Variants in PRKAG2 observed in about 807,000 individuals in gnomAD.
PRKAG2 encodes protein kinase AMP-activated non-catalytic subunit gamma 2.
A neutral mutation model predicts 69.6 loss-of-function variants in PRKAG2; 26 were observed. That is an observed-to-expected ratio of 0.37 (90% CI 0.27 to 0.52). PRKAG2 has a LOEUF of 0.52. PRKAG2 is among the 20% of genes least tolerant of loss of function. The pLI, the probability that PRKAG2 is intolerant of heterozygous loss-of-function variation, is 0.90. For synonymous variants in PRKAG2, 293 were observed against 285.0 expected (o/e 1.03, Z -0.28); for missense variants, 557 against 740.0 (o/e 0.75, Z 2.87).
chr7:151,827,758 A>ACAAAAAC (rs2078936243), intron 1 of PRKAG2, among the ~76,000 whole-genome samples: 1 of 146,910 alleles, frequency 6.8e-6, no homozygotes, highest in Admixed American at 6.8e-5. Context: ...AAAAAAAAAA[A>ACAAAAAC]AAAAAAAAAA....
At chr7:151,795,876 T>TATATACACACATATATATATATATACAC in intron 1 of PRKAG2, among the ~76,000 whole-genome samples, 1 of 112,810 alleles carries the variant, frequency 8.9e-6, no homozygotes, top group South Asian at 2.8e-4. Flanking sequence ...TATATATATA[T>TATATACACACATATATATATATATACAC]ATATATATAT....
chr7:151,812,200 A>G (rs907489612), intron 1 of PRKAG2, among the ~76,000 whole-genome samples: 4 of 152,234 alleles, frequency 2.6e-5, no homozygotes, highest in African/African-American at 9.6e-5. Flanking sequence ...GAATCTACCG[A>G]CAAGAATTGA....
chr7:151,587,358 A>G (rs745497095), intron 6 of PRKAG2, among the ~76,000 whole-genome samples: 10 of 152,182 alleles, frequency 6.6e-5, no homozygotes, highest in Admixed American at 1.3e-4. Context: ...TTGCAGAAAA[A>G]TCCCAACTAA....
chr7:151,587,191 G>GT (rs533698188), intron 6 of PRKAG2, among the ~76,000 whole-genome samples: 4 of 152,224 alleles, frequency 2.6e-5, no homozygotes, highest in Non-Finnish European at 5.9e-5. Flanking sequence ...ATACTTGCTT[G>GT]TTTTTTTGTT....
intron 3 of PRKAG2, among the ~76,000 whole-genome samples, chr7:151,694,845 C>T (rs989957354): frequency 1.3e-5 from 2 of 152,190 alleles, no homozygotes; most frequent in Non-Finnish European, 2.9e-5. Flanking sequence ...CCCCCAACAC[C>T]GAGGGCCAGA....
At chr7:151,755,996 G>A (rs931273160) in intron 3 of PRKAG2, among the ~76,000 whole-genome samples, 6 of 152,168 alleles carry the variant, frequency 3.9e-5, no homozygotes, top group African/African-American at 1.4e-4. Context: ...AGTCCTCAGT[G>A]TCTCTACCTG....
intron 3 of PRKAG2, among the ~76,000 whole-genome samples, chr7:151,763,477 C>T (rs1052701670): frequency 1.3e-5 from 2 of 152,266 alleles, no homozygotes; most frequent in African/African-American, 4.8e-5. Context: ...AAGCACCAAG[C>T]TCCTGGCACA....
chr7:151,637,258 GGAGT>G (rs759450561), intron 4 of PRKAG2, among the ~76,000 whole-genome samples: 48 of 152,270 alleles, frequency 3.2e-4, no homozygotes, highest in Non-Finnish European at 6.9e-4. Context: ...AAAAAAACTT[GGAGT>G]GAGCCAAGGT....
At chr7:151,566,189 AT>A (rs1478217326) in intron 11 of PRKAG2, among the ~76,000 whole-genome samples, 1 of 152,222 alleles carries the variant, frequency 6.6e-6, no homozygotes, top group African/African-American at 2.4e-5. Flanking sequence ...GAACAGGTCT[AT>A]TTGGGATATT....
chr7:151,702,138 G>C (rs543115263), intron 3 of PRKAG2, among the ~76,000 whole-genome samples: 1 of 152,364 alleles, frequency 6.6e-6, no homozygotes, highest in African/African-American at 2.4e-5. Context: ...CATGGATACA[G>C]AACACTTCCC....
In PRKAG2 at chr7:151,786,372, C is replaced by T. The variant is rs866059895; in HGVS notation, c.186+98G>A. ...GTGTGCAAGCGGACATGCGGGTGGG[C>T]GTGAGGGTGAACACACAGGTGGAAG... On this transcript the variant is annotated intron_variant, in intron 2 of 15. Transcript: ENST00000287878. 9.1e-5 allele frequency: 108 copies of T among 1,191,818 alleles called. 1 individual carries two copies. Among genetic ancestry groups the T allele is most frequent in the South Asian group, 6.4e-4 (49 of 77,036 alleles). 73.8% of individuals were successfully genotyped at this position (1,191,818 alleles called of 1,614,324 possible).
rs999510231 is a variant in PRKAG2, at chr7:151,574,966, C to T, written c.947-17G>A. 5 of 1,612,082 alleles carry T rather than the reference C, an allele frequency of 3.1e-6. No homozygotes were observed. The South Asian group carries it at 5.5e-5, about 18-fold the overall frequency. ...TTAGCATTCCTGGAACAAAGAATTA[C>T]ATGTTACAAATAAAACCATGAAAAC... On this transcript the variant is annotated splice_polypyrimidine_tract_variant and intron_variant, in intron 7 of 15. Coordinates refer to ENST00000287878, the MANE Select transcript of PRKAG2 (RefSeq NM_016203.4).
At position 151,719,366 on chromosome 7, in the gene PRKAG2, A is replaced by T. The variant is rs1159683959; in HGVS notation, c.467-43729T>A. On this transcript the variant is annotated intron_variant, in intron 3 of 15. Transcript: ENST00000287878. This position sits in a 1 kb window ranked among gnomAD's most constrained non-coding sequence, Gnocchi z 5.2. ...CACCGCTCAGGCCTCCTGCTGGGGG[A>T]GCTGGGCTATAACTTCCGCTTCCCC... Among the ~76,000 whole-genome samples, 2 of 151,786 alleles carry T rather than the reference A, an allele frequency of 1.3e-5. No individual in the cohort carries two copies. Among genetic ancestry groups the T allele is most frequent in the Non-Finnish European group, 2.9e-5 (2 of 67,960 alleles).
chr7:151,665,201 C>T (rs1314987762), intron 4 of PRKAG2, among the ~76,000 whole-genome samples: 1 of 152,124 alleles, frequency 6.6e-6, no homozygotes, highest in Non-Finnish European at 1.5e-5. Flanking sequence ...TCTCTGAGTG[C>T]TCAGTGCCTA....
intron 9 of PRKAG2, among the ~76,000 whole-genome samples, chr7:151,572,131 T>C (rs146301434): frequency 1.3e-5 from 2 of 152,384 alleles, no homozygotes; most frequent in South Asian, 4.1e-4. Context: ...ACAGGGTGAA[T>C]GTCAATGTGA....
chr7:151,580,389 A>G (rs1810088972), intron 6 of PRKAG2, among the ~76,000 whole-genome samples: 1 of 152,136 alleles, frequency 6.6e-6, no homozygotes, highest in Non-Finnish European at 1.5e-5. Context: ...GCACTGAAGG[A>G]AAGATTCTAG....
chr7:151,865,826 T>C (rs2080055608), intron 1 of PRKAG2, among the ~76,000 whole-genome samples: 1 of 152,110 alleles, frequency 6.6e-6, no homozygotes, highest in Non-Finnish European at 1.5e-5. Flanking sequence ...GAGACCATCC[T>C]GGCTAACACG....
intron 4 of PRKAG2, among the ~76,000 whole-genome samples, chr7:151,641,939 A>T (rs1826773989): frequency 6.6e-6 from 1 of 151,010 alleles, no homozygotes. Flanking sequence ...TCGGTCTGTA[A>T]TCCTAGCATG....
intron 5 of PRKAG2, among the ~76,000 whole-genome samples, chr7:151,620,644 A>G (rs1035573240): frequency 2.0e-5 from 3 of 151,742 alleles, no homozygotes; most frequent in African/African-American, 7.3e-5. Flanking sequence ...TACCTGGCTA[A>G]TTTTTTTTAT....
Sources: allele counts gnomAD v4.1 joint callset (sites outside exome capture counted in the v4.1 genomes callset), GRCh38; gene constraint gnomAD v4.1.1; non-coding constraint Gnocchi (gnomAD v3.1); transcripts MANE v1.5; gene names NCBI Gene and HGNC (gene_info 2026-07-23, HGNC 2026-07-21).